RAB43: variants seen among roughly 807,000 people sequenced by gnomAD.
RAB43 encodes RAB43, member RAS oncogene family, also known as ras-related protein Rab-43.
Under a neutral mutation model 18.8 loss-of-function variants are expected in RAB43, and 6 were observed. The observed-to-expected ratio is 0.32, with a 90% CI of 0.17 to 0.63. RAB43 has a LOEUF of 0.63. Among genes scored for constraint, RAB43 ranks in the 30% least tolerant of loss-of-function variants. RAB43 has a pLI of 0.79. For synonymous variants in RAB43, 103 were observed against 124.1 expected (o/e 0.83, Z 1.13); for missense variants, 195 against 289.1 (o/e 0.67, Z 2.36).
Position 129,121,580 on chromosome 3 carries a change from C to T in RAB43, c.-91G>A, listed in dbSNP as rs2107591466. 1 of 1,102,596 alleles carries T rather than the reference C, an allele frequency of 9.1e-7. No homozygotes were observed. Among genetic ancestry groups the T allele is most frequent in the East Asian group, 2.8e-5 (1 of 35,124 alleles). 68.3% of individuals were successfully genotyped at this position (1,102,596 alleles called of 1,614,324 possible). On this transcript the variant is annotated 5_prime_UTR_variant, in exon 1 of 3. Coordinates refer to ENST00000315150, the MANE Select transcript of RAB43 (RefSeq NM_198490.3). Reference sequence around the variant, plus strand: ...CGGGCCGAGCTCCGCCCGCTCCAGCCCACGGGCCGCCTGGCTACGTGGAGC... The same window carrying T: ...CGGGCCGAGCTCCGCCCGCTCCAGCTCACGGGCCGCCTGGCTACGTGGAGC...
At chr3:129,098,855 T>C (rs1934230158) in intron 1 of RAB43, among the ~76,000 whole-genome samples, 1 of 152,072 alleles carries the variant, frequency 6.6e-6, no homozygotes, top group African/African-American at 2.4e-5. Flanking sequence ...GGTGGATCAC[T>C]TGAGGTCAGG....
intron 1 of RAB43, among the ~76,000 whole-genome samples, chr3:129,105,923 T>C (rs1576832818): frequency 1.3e-5 from 2 of 152,226 alleles, no homozygotes; most frequent in Admixed American, 6.5e-5. Context: ...AGAAAGACCC[T>C]GTCTTATTCC....
At chr3:129,101,355 C>T (rs1441199649) in intron 1 of RAB43, among the ~76,000 whole-genome samples, 3 of 152,166 alleles carry the variant, frequency 2.0e-5, no homozygotes, top group African/African-American at 4.8e-5. Flanking sequence ...ATTCAACATG[C>T]GCTGAGCTCC....
In RAB43 at chr3:129,087,737, GC is replaced by G. The variant is rs553686645; in HGVS notation, c.*3358del. ...ATTACCAAATGCAAATGGAATACTT[GC>G]GCTGACTGAAGCCCTGTTCACCCCA... On this transcript the variant is annotated 3_prime_UTR_variant, in exon 3 of 3. Coordinates refer to ENST00000315150, the MANE Select transcript of RAB43 (RefSeq NM_198490.3). 9.8e-3 allele frequency: 1,488 copies of G among 151,110 alleles called. 28 individuals carry two copies. Among genetic ancestry groups the G allele is most frequent in the African/African-American group, 0.034 (1,406 of 41,054 alleles). The allele number at this position is 151,110 out of a possible 1,614,324, so 9.4% of individuals were successfully genotyped here.
chr3:129,087,676 A>G lies in RAB43; in HGVS notation c.*3420T>C. The G allele has an allele frequency of 6.6e-6, 1 of 151,986 alleles. No individual in the cohort carries two copies. The highest frequency in any genetic ancestry group is 2.1e-4 in the South Asian group (1 of 4,804). The allele number at this position is 151,986 out of a possible 1,614,324, so 9.4% of individuals were successfully genotyped here. A position where few individuals can be genotyped will look rare whatever the true frequency, so the allele number is the denominator to read the frequency against. ...ATGTTTTAAAAAATAGATTTGGTAT[A>G]AAGATTTATATATTCATAAATAGGT... is the stretch of plus-strand genomic sequence containing the variant. On this transcript the variant is annotated 3_prime_UTR_variant, in exon 3 of 3. Transcript: ENST00000315150.
chr3:129,114,955 A>G (rs1414473969), intron 1 of RAB43, among the ~76,000 whole-genome samples: 1 of 152,134 alleles, frequency 6.6e-6, no homozygotes, highest in African/African-American at 2.4e-5. Flanking sequence ...CTAGGCTGAG[A>G]AACCAAGCTT....
At chr3:129,097,781 A>G (rs1241944958) in intron 1 of RAB43, among the ~76,000 whole-genome samples, 2 of 152,286 alleles carry the variant, frequency 1.3e-5, no homozygotes, top group Non-Finnish European at 2.9e-5. Context: ...CACACACCAC[A>G]GGACTGGAGA....
intron 2 of RAB43, among the ~76,000 whole-genome samples, chr3:129,094,689 T>A (rs1327207538): frequency 6.6e-6 from 1 of 151,666 alleles, no homozygotes; most frequent in Non-Finnish European, 1.5e-5. Flanking sequence ...TAATTTTTTT[T>A]TATTTTTTTA....
intron 1 of RAB43, among the ~76,000 whole-genome samples, chr3:129,115,304 A>G (rs551675851): frequency 3.3e-5 from 5 of 151,732 alleles, no homozygotes; most frequent in Non-Finnish European, 7.4e-5. Context: ...CCTGGCCAAC[A>G]TGGTGAAACG....
At chr3:129,099,525 T>G (rs1342252528) in intron 1 of RAB43, among the ~76,000 whole-genome samples, 1 of 152,176 alleles carries the variant, frequency 6.6e-6, no homozygotes, top group Non-Finnish European at 1.5e-5. Flanking sequence ...TAGCTGGAAT[T>G]ATGGGCACGT....
At chr3:129,100,766 T>C (rs140454445) in intron 1 of RAB43, among the ~76,000 whole-genome samples, 140 of 152,336 alleles carry the variant, frequency 9.2e-4, no homozygotes, top group Admixed American at 2.3e-3. Context: ...CATGACCTGA[T>C]GCTCTGTCAC....
chr3:129,101,469 T>C (rs1028637762), intron 1 of RAB43, among the ~76,000 whole-genome samples: 1 of 152,136 alleles, frequency 6.6e-6, no homozygotes, highest in Non-Finnish European at 1.5e-5. Context: ...ACAGATCCTT[T>C]TAGAAGGTGA....
At chr3:129,099,848 A>G (rs1238431914) in intron 1 of RAB43, among the ~76,000 whole-genome samples, 2 of 152,228 alleles carry the variant, frequency 1.3e-5, no homozygotes, top group Non-Finnish European at 2.9e-5. Context: ...GGGAAAAAAG[A>G]TTGAAGAAAA....
rs1008323888 is a variant in RAB43 at position 129,105,045 on chromosome 3, A to G, written c.205-9876T>C. 5.9e-5 allele frequency among the ~76,000 whole-genome samples: 9 copies of G among 152,314 alleles called. 1 individual carries two copies. Among genetic ancestry groups the G allele is most frequent in the Admixed American group, 5.9e-4 (9 of 15,306 alleles). On this transcript the variant is annotated intron_variant, in intron 1 of 2. Transcript: ENST00000315150. ...CATCTAAGTCAAAATGTCCCGCACT[A>G]TTGGGCTTTGGGGCCAGACAAGTGA...
chr3:129,094,818 T>A (rs1933931303), intron 2 of RAB43, among the ~76,000 whole-genome samples, 168 bp downstream of exon 2: 1 of 151,994 alleles, frequency 6.6e-6, no homozygotes, highest in African/African-American at 2.4e-5. Flanking sequence ...TGCCCGGCCT[T>A]GAATGTAACT....
Position 129,121,708 on chromosome 3 carries a change from G to T in RAB43, c.-219C>A. 1 of 314,104 alleles carries T rather than the reference G, an allele frequency of 3.2e-6. No homozygotes were observed. 19.5% of individuals were successfully genotyped at this position (314,104 alleles called of 1,614,324 possible). ...CCCCGGCCCGGCTCGGCCCCGCCCG[G>T]ACCCGGTGCCCCGCGGGTTCGGCTC... On this transcript the variant is annotated 5_prime_UTR_variant, in exon 1 of 3. Transcript: ENST00000315150.
chr3:129,113,444 A>C (rs956473434), intron 1 of RAB43, among the ~76,000 whole-genome samples: 5 of 151,942 alleles, frequency 3.3e-5, no homozygotes, highest in African/African-American at 1.2e-4. Context: ...GATTACAGGC[A>C]TGAGCCACTA....
chr3:129,107,231 G>A lies in RAB43; in HGVS notation c.205-12062C>T, dbSNP rs768637224. Among the ~76,000 whole-genome samples, 6 of 152,294 alleles carry A rather than the reference G, an allele frequency of 3.9e-5. No individual in the cohort carries two copies. Among genetic ancestry groups the A allele is most frequent in the Non-Finnish European group, 8.8e-5 (6 of 68,032 alleles). Reference sequence around the variant, plus strand: ...CCGAAGCCTGGTGTCCTTTACCATGGACGCGGCTCCTCCGCAAGCACATAG... The same window carrying A: ...CCGAAGCCTGGTGTCCTTTACCATGAACGCGGCTCCTCCGCAAGCACATAG... On this transcript the variant is annotated intron_variant, in intron 1 of 2. Transcript: ENST00000315150. The surrounding 1 kb of genome is among the most constrained non-coding windows in gnomAD (Gnocchi z 4.2).
Position 129,107,857 on chromosome 3 carries a change from C to G in RAB43, c.205-12688G>C, listed in dbSNP as rs1206509539. Among the ~76,000 whole-genome samples the G allele has an allele frequency of 6.6e-6, 1 of 152,188 alleles. No individual in the cohort carries two copies. The highest frequency in any genetic ancestry group is 2.4e-5 in the African/African-American group (1 of 41,456). ...CATCAACGATGGCCCAGACTGGCCT[C>G]ACGAGTCCCTCACCCTCACCCTCCA... On this transcript the variant is annotated intron_variant, in intron 1 of 2. Coordinates refer to ENST00000315150, the MANE Select transcript of RAB43 (RefSeq NM_198490.3). The surrounding 1 kb of genome is among the most constrained non-coding windows in gnomAD (Gnocchi z 4.2).
Sources: allele counts gnomAD v4.1 joint callset (sites outside exome capture counted in the v4.1 genomes callset), GRCh38; gene constraint gnomAD v4.1.1; non-coding constraint Gnocchi (gnomAD v3.1); transcripts MANE v1.5; gene names NCBI Gene and HGNC (gene_info 2026-07-23, HGNC 2026-07-21).